SLC2A13: variants seen among roughly 807,000 people sequenced by gnomAD.
The protein encoded by SLC2A13 is solute carrier family 2 member 13.
In SLC2A13, 32 loss-of-function variants were observed where a neutral mutation model predicts 64.4. The observed-to-expected ratio is 0.50, with a 90% CI of 0.37 to 0.67. The LOEUF is 0.67. Ranked by LOEUF, SLC2A13 falls within the 30% of genes least tolerant of loss-of-function variation. The pLI is 0.00. For synonymous variants in SLC2A13, 338 were observed against 327.1 expected (o/e 1.03, Z -0.36); for missense variants, 743 against 829.2 (o/e 0.90, Z 1.28).
intron 3 of SLC2A13, among the ~76,000 whole-genome samples, chr12:39,973,315 A>C (rs1168910358): frequency 6.6e-6 from 1 of 152,160 alleles, no homozygotes; most frequent in African/African-American, 2.4e-5. Context: ...GGCTTTCAGA[A>C]ACCACTTTCT....
At chr12:39,849,308 A>G (rs1943402986) in intron 6 of SLC2A13, among the ~76,000 whole-genome samples, 1 of 152,186 alleles carries the variant, frequency 6.6e-6, no homozygotes, top group African/African-American at 2.4e-5. Flanking sequence ...TGCAGCATTT[A>G]GCGAGCACAC....
At chr12:39,767,452 A>G (rs1940401030) in intron 7 of SLC2A13, among the ~76,000 whole-genome samples, 1 of 151,830 alleles carries the variant, frequency 6.6e-6, no homozygotes, top group Non-Finnish European at 1.5e-5. Context: ...GGGCTCTAGG[A>G]TTTTTGGAGC....
chr12:39,783,727 G>T (rs550668226), intron 7 of SLC2A13, among the ~76,000 whole-genome samples: 1 of 152,152 alleles, frequency 6.6e-6, no homozygotes, highest in African/African-American at 2.4e-5. Context: ...TTGTTTTCTT[G>T]TAAATTTGTT....
intron 4 of SLC2A13, among the ~76,000 whole-genome samples, chr12:39,890,849 AATAAT>A (rs1239845686): frequency 8.5e-5 from 13 of 152,156 alleles, no homozygotes; most frequent in Admixed American, 6.5e-4. Flanking sequence ...AATGTTTTAA[AATAAT>A]ATGAGAAAAT....
intron 1 of SLC2A13, among the ~76,000 whole-genome samples, chr12:40,104,922 G>T (rs1304709609): frequency 6.6e-6 from 1 of 152,174 alleles, no homozygotes; most frequent in Non-Finnish European, 1.5e-5. Context: ...AGGTTAGGCT[G>T]GATCAAGGAA....
At position 40,032,619 on chromosome 12, in the gene SLC2A13, G is replaced by T. The variant is rs1032778461; in HGVS notation, c.717-4110C>A. On this transcript the variant is annotated intron_variant, in intron 2 of 9. Coordinates refer to ENST00000280871, the MANE Select transcript of SLC2A13 (RefSeq NM_052885.4). ...TGTGAATGGTGGATCCTGCATTCCT[G>T]GGGCCAGACCTCCTGCTATGGCTCA... Among the ~76,000 whole-genome samples the T allele has an allele frequency of 3.3e-5, 5 of 152,164 alleles. No individual in the cohort carries two copies. In the East Asian group the frequency reaches 7.7e-4, roughly 23 times the overall value.
chr12:39,951,558 T>C (rs1946231112), intron 3 of SLC2A13, among the ~76,000 whole-genome samples, 193 bp from the exon 4 acceptor site: 1 of 152,206 alleles, frequency 6.6e-6, no homozygotes, highest in South Asian at 2.1e-4. Context: ...GTTTTTGTTT[T>C]TGTTTTTAGT....
chr12:39,884,161 G>T (rs1944413805), intron 4 of SLC2A13, among the ~76,000 whole-genome samples: 1 of 152,082 alleles, frequency 6.6e-6, no homozygotes, highest in Admixed American at 6.6e-5. Flanking sequence ...TAGAGATGGG[G>T]TCTCACTATG....
intron 1 of SLC2A13, among the ~76,000 whole-genome samples, chr12:40,070,588 T>A (rs921889460): frequency 1.3e-5 from 2 of 152,058 alleles, no homozygotes; most frequent in African/African-American, 4.8e-5. Context: ...AAGGAAAAAA[T>A]CAACTTTACA....
intron 1 of SLC2A13, among the ~76,000 whole-genome samples, chr12:40,100,386 T>C (rs370117621): frequency 1.3e-5 from 2 of 152,208 alleles, no homozygotes; most frequent in African/African-American, 4.8e-5. Context: ...GTAGAATAAA[T>C]GCCAACACCA....
intron 1 of SLC2A13, chr12:40,068,313 G>A: frequency 2.4e-6 from 1 of 417,544 alleles, no homozygotes; most frequent in Non-Finnish European, 4.8e-6. Flanking sequence ...GATAGCCAGT[G>A]TGCACAGTCT....
chr12:39,896,266 GTA>G (rs1275483677), intron 4 of SLC2A13, among the ~76,000 whole-genome samples: 1 of 137,142 alleles, frequency 7.3e-6, no homozygotes, highest in East Asian at 2.4e-4. Flanking sequence ...GTATATGTGT[GTA>G]TATATGTATA....
chr12:39,775,098 T>C (rs1940729515), intron 7 of SLC2A13, among the ~76,000 whole-genome samples: 1 of 152,242 alleles, frequency 6.6e-6, no homozygotes, highest in African/African-American at 2.4e-5. Flanking sequence ...TGCTTCAAGA[T>C]GTACTTTTCT....
At chr12:39,876,819 A>G (rs117780985) in intron 4 of SLC2A13, among the ~76,000 whole-genome samples, 2,418 of 152,312 alleles carry the variant, frequency 0.016, 19 homozygotes, top group Non-Finnish European at 0.026. Flanking sequence ...CTTCCTGACA[A>G]GAGCCAGTCT....
At chr12:39,876,620 A>G (rs1232307492) in intron 4 of SLC2A13, among the ~76,000 whole-genome samples, 1 of 152,152 alleles carries the variant, frequency 6.6e-6, no homozygotes, top group Non-Finnish European at 1.5e-5. Context: ...TTATATGAAA[A>G]CCTTAGTGAC....
intron 1 of SLC2A13, among the ~76,000 whole-genome samples, chr12:40,076,658 G>A (rs1341501664): frequency 6.6e-6 from 1 of 151,946 alleles, no homozygotes; most frequent in Admixed American, 6.6e-5. Context: ...TATTTCTTTG[G>A]GTATATACCC....
chr12:40,002,399 T>C (rs1947334904), intron 3 of SLC2A13, among the ~76,000 whole-genome samples: 1 of 152,200 alleles, frequency 6.6e-6, no homozygotes, highest in South Asian at 2.1e-4. Context: ...ATCTCTCTAA[T>C]GCCTTGATCC....
chr12:39,970,080 C>T, intron 3 of SLC2A13, among the ~76,000 whole-genome samples: 1 of 152,144 alleles, frequency 6.6e-6, no homozygotes, highest in Non-Finnish European at 1.5e-5. Flanking sequence ...TTCTTGCTTT[C>T]ATCAGGTTTG....
At chr12:40,025,570 C>G (rs1375397448) in intron 3 of SLC2A13, among the ~76,000 whole-genome samples, 1 of 152,232 alleles carries the variant, frequency 6.6e-6, no homozygotes, top group Non-Finnish European at 1.5e-5. Flanking sequence ...GAACAGGTAT[C>G]TAAGCCACCA....
Sources: gnomAD v4.1 joint callset for allele counts (sites outside exome capture counted in the v4.1 genomes callset) on GRCh38, gnomAD v4.1.1 for gene constraint, MANE v1.5 for transcripts, NCBI Gene and HGNC (gene_info 2026-07-23, HGNC 2026-07-21) for gene names.